The following ATOH8 variants were observed in gnomAD, a reference collection of about 807,000 sequenced individuals.
The protein encoded by ATOH8 is atonal bHLH transcription factor 8.
Under a neutral mutation model 21.2 loss-of-function variants are expected in ATOH8, and 9 were observed. That is an observed-to-expected ratio of 0.42 (90% CI 0.26 to 0.74). The LOEUF is 0.74. Ranked by LOEUF, ATOH8 falls within the 30% of genes least tolerant of loss-of-function variation. The pLI is 0.24. For missense variants in ATOH8, 524 were observed against 470.9 expected, an observed-to-expected ratio of 1.11 and a Z score of -1.04; for synonymous variants, 253 against 224.0, an observed-to-expected ratio of 1.13 and a Z score of -1.16.
Position 85,764,000 on chromosome 2 carries a change from T to C in ATOH8, c.778T>C (p.Tyr260His). 2 of 1,614,008 alleles carry C rather than the reference T, an allele frequency of 1.2e-6. No homozygotes were observed. Among genetic ancestry groups the C allele is most frequent in the Non-Finnish European group, 1.7e-6 (2 of 1,179,982 alleles). ...FEALRKQVPC[Y>H]SYGQKLSKLA... ...CGCCTTCTCCCCTCAGGTGCCGTGCTACTCATATGGGCAGAAGCTGTCCAA... is the reference window on the plus strand; with the variant it reads ...CGCCTTCTCCCCTCAGGTGCCGTGCCACTCATATGGGCAGAAGCTGTCCAA... Residue 260 changes from tyrosine to histidine, a missense_variant, in exon 2 of 3, where the codon TAC (tyrosine) becomes CAC (histidine). Coordinates refer to ENST00000306279, the MANE Select transcript of ATOH8 (RefSeq NM_032827.7).
At chr2:85,755,694 C>G (rs1034213941) in intron 1 of ATOH8, among the ~76,000 whole-genome samples, 5 of 152,072 alleles carry the variant, frequency 3.3e-5, no homozygotes, top group African/African-American at 1.2e-4. Context: ...TGCGGGCTGC[C>G]CTCACCAGAC....
intron 2 of ATOH8, chr2:85,772,601 C>T (rs996129491): frequency 5.5e-5 from 23 of 420,600 alleles, no homozygotes; most frequent in Non-Finnish European, 9.4e-5. Flanking sequence ...CCATCTGTTC[C>T]CAAAAAACCC....
Position 85,785,725 on chromosome 2 carries a change from G to T in ATOH8, c.961-1160G>T, listed in dbSNP as rs993342509. Among the ~76,000 whole-genome samples, 3 of 152,176 alleles carry T rather than the reference G, an allele frequency of 2.0e-5. No individual in the cohort carries two copies. The highest frequency in any genetic ancestry group is 4.4e-5 in the Non-Finnish European group (3 of 68,030). On this transcript the variant is annotated intron_variant, in intron 2 of 2. Coordinates refer to ENST00000306279, the MANE Select transcript of ATOH8 (RefSeq NM_032827.7). The surrounding 1 kb of genome is among the most constrained non-coding windows in gnomAD (Gnocchi z 4.1). ...TGGCAACTTCTAGCACTTCCTTCTC[G>T]GAGCCTGGGATTGCTCACTCATGAG...
Position 85,754,797 on chromosome 2 carries a change from A to G in ATOH8, c.608A>G (p.His203Arg). Residue 203 changes from histidine to arginine, a missense_variant, in exon 1 of 3, where the codon CAC becomes CGC. Physicochemically the swap from His to Arg is conservative, Grantham distance 29. Coordinates refer to ENST00000306279, the MANE Select transcript of ATOH8 (RefSeq NM_032827.7). ...ATTTCACACGTAATTTACAATAACC[A>G]CCAGGATTCCTCCGCGTCGCCTAGG... ...SSISHVIYNNHQDSSASPRKR... is the reference protein window; with the variant it reads ...SSISHVIYNNRQDSSASPRKR... 3 of 1,612,860 alleles carry G rather than the reference A, an allele frequency of 1.9e-6. No individual in the cohort carries two copies. The highest frequency in any genetic ancestry group is 1.1e-5 in the South Asian group (1 of 91,080).
At chr2:85,760,779 G>T (rs926635052) in intron 1 of ATOH8, 1 of 152,232 alleles carries the variant, frequency 6.6e-6, no homozygotes. Flanking sequence ...CTCAGACTCC[G>T]GTGGAAGCTG....
chr2:85,755,069 C>G (rs983534560), intron 1 of ATOH8, 112 bp downstream of exon 1: 2 of 1,372,084 alleles, frequency 1.5e-6, no homozygotes. Context: ...CTGCCCCGCC[C>G]GGTCCGACCC....
Position 85,754,353 on chromosome 2 carries a change from T to TCAGCACCCCC in ATOH8, c.164_165insCAGCACCCCC (p.Ala56SerfsTer150), listed in dbSNP as rs1391216109. 1 of 1,606,720 alleles carries TCAGCACCCCC rather than the reference T, an allele frequency of 6.2e-7. No individual in the cohort carries two copies. The highest frequency in any genetic ancestry group is 8.5e-7 in the Non-Finnish European group (1 of 1,177,538). On this transcript the variant is annotated frameshift_variant, in exon 1 of 3. Coordinates refer to ENST00000306279, the MANE Select transcript of ATOH8 (RefSeq NM_032827.7). LOFTEE classifies it high-confidence loss of function. ...TTGGAAGCGCCCGAGCCCCGCGCCG[T>TCAGCACCCCC]AGCCACCAACGGGCTGCGGGACAGG...
intron 2 of ATOH8, among the ~76,000 whole-genome samples, chr2:85,778,247 G>T (rs1680384204): frequency 6.6e-6 from 1 of 152,226 alleles, no homozygotes; most frequent in African/African-American, 2.4e-5. Flanking sequence ...GCCATAGCTG[G>T]CACATTTAAC....
At chr2:85,768,570 A>G (rs1187722667) in intron 2 of ATOH8, among the ~76,000 whole-genome samples, 2 of 152,186 alleles carry the variant, frequency 1.3e-5, no homozygotes, top group Non-Finnish European at 2.9e-5. Context: ...CCTCAGAGCT[A>G]CTGTGTCCAA....
At chr2:85,769,363 G>A (rs994167151) in intron 2 of ATOH8, among the ~76,000 whole-genome samples, 1 of 152,194 alleles carries the variant, frequency 6.6e-6, no homozygotes, top group Admixed American at 6.5e-5. Flanking sequence ...TGTACCAGAG[G>A]CTTAGCCAGC....
rs1353899525 is a variant in ATOH8 at position 85,766,703 on chromosome 2, G to T, written c.960+2521G>T. 1.3e-5 allele frequency among the ~76,000 whole-genome samples: 2 copies of T among 152,194 alleles called. No individual in the cohort carries two copies. On this transcript the variant is annotated intron_variant, in intron 2 of 2. Transcript: ENST00000306279. The surrounding 1 kb of genome is among the most constrained non-coding windows in gnomAD (Gnocchi z 4.0). ...TTTCCAGCTCAGGACCCCTGGAGTC[G>T]CTGGAGCCTTCGAGCTCCCAGGCAG... is the stretch of plus-strand genomic sequence containing the variant.
chr2:85,782,192 A>T (rs991263443), intron 2 of ATOH8, among the ~76,000 whole-genome samples: 3 of 151,682 alleles, frequency 2.0e-5, no homozygotes, highest in African/African-American at 4.8e-5. Flanking sequence ...AGACCAATTT[A>T]AAAAAAAAGT....
chr2:85,757,694 A>G (rs1226991475), intron 1 of ATOH8, among the ~76,000 whole-genome samples: 2 of 152,188 alleles, frequency 1.3e-5, no homozygotes, highest in African/African-American at 4.8e-5. Context: ...GAAGTTGTAA[A>G]ATGGTAATAT....
At position 85,754,607 on chromosome 2, in the gene ATOH8, C is replaced by T; in HGVS notation, c.418C>T (p.Pro140Ser). The change falls in exon 1 of 3, where the codon CCA becomes TCA. Residue 140 changes from proline to serine, a missense_variant. By Grantham distance (74) the Pro-to-Ser change is moderately conservative. Transcript: ENST00000306279. ...PAPQSQAPGG[P>S]EAQPFREPGL... ...GCCCCAGAGCCAGGCACCTGGGGGC[C>T]CAGAGGCACAGCCTTTCCGGGAGCC... 1 of 1,487,392 alleles carries T rather than the reference C, an allele frequency of 6.7e-7. No individual in the cohort carries two copies. The highest frequency in any genetic ancestry group is 8.9e-7 in the Non-Finnish European group (1 of 1,126,056). 92.1% of individuals were successfully genotyped at this position (1,487,392 alleles called of 1,614,324 possible).
intron 2 of ATOH8, among the ~76,000 whole-genome samples, chr2:85,782,679 T>C (rs1680526913): frequency 6.6e-6 from 1 of 151,762 alleles, no homozygotes; most frequent in Non-Finnish European, 1.5e-5. Context: ...CCAGTATTTA[T>C]TTGTTGTTGT....
intron 2 of ATOH8, among the ~76,000 whole-genome samples, chr2:85,769,768 C>T (rs1680129750): frequency 6.6e-6 from 1 of 152,156 alleles, no homozygotes; most frequent in Admixed American, 6.5e-5. Context: ...CCAGCCCCTT[C>T]TGTGGACTGT....
At chr2:85,774,255 C>T in intron 2 of ATOH8, 1 of 985,632 alleles carries the variant, frequency 1.0e-6, no homozygotes, top group Non-Finnish European at 1.2e-6. Flanking sequence ...CCAGAAATTG[C>T]TTTTGAACTC....
chr2:85,755,762 C>A (rs912848270), intron 1 of ATOH8, among the ~76,000 whole-genome samples: 3 of 152,070 alleles, frequency 2.0e-5, no homozygotes, highest in Non-Finnish European at 4.4e-5. Flanking sequence ...CGTGGTGGGG[C>A]GGGACAATCG....
intron 2 of ATOH8, among the ~76,000 whole-genome samples, chr2:85,780,191 G>A (rs1461561203): frequency 6.6e-6 from 1 of 152,166 alleles, no homozygotes; most frequent in Non-Finnish European, 1.5e-5. Context: ...CTAGTGGGTG[G>A]AAGTAACTCA....
Sources: gnomAD v4.1 joint callset for allele counts (sites outside exome capture counted in the v4.1 genomes callset) on GRCh38, gnomAD v4.1.1 for gene constraint, Gnocchi (gnomAD v3.1) non-coding constraint, MANE v1.5 for transcripts, NCBI Gene and HGNC (gene_info 2026-07-23, HGNC 2026-07-21) for gene names.